SUGCT: variants seen among roughly 807,000 people sequenced by gnomAD.
SUGCT encodes succinyl-CoA:glutarate CoA-transferase.
Under a neutral mutation model 55.0 loss-of-function variants are expected in SUGCT, and 41 were observed. The ratio of observed to expected loss-of-function variants is 0.74; its 90% confidence interval spans 0.58 to 0.97. The LOEUF is 0.97. SUGCT is among the 50% of genes least tolerant of loss of function. The pLI, the probability that SUGCT is intolerant of heterozygous loss-of-function variation, is 0.00. For missense variants in SUGCT, 568 were observed against 547.8 expected, an observed-to-expected ratio of 1.04 and a Z score of -0.37; for synonymous variants, 187 against 200.4, an observed-to-expected ratio of 0.93 and a Z score of 0.56.
intron 7 of SUGCT, among the ~76,000 whole-genome samples, chr7:40,240,091 A>C (rs539180285): frequency 2.6e-5 from 4 of 152,338 alleles, no homozygotes; most frequent in South Asian, 4.1e-4. Flanking sequence ...ACAGGGTGCT[A>C]TGAACATATA....
chr7:40,905,764 G>A, the SUGCT span, among the ~76,000 whole-genome samples: 1 of 149,916 alleles, frequency 6.7e-6, no homozygotes, highest in Non-Finnish European at 1.5e-5. Context: ...TACTCAGGCT[G>A]GAGGACTGCA....
At chr7:40,675,788 G>A (rs2151877983) in intron 12 of SUGCT, among the ~76,000 whole-genome samples, 1 of 152,322 alleles carries the variant, frequency 6.6e-6, no homozygotes, top group East Asian at 1.9e-4. Flanking sequence ...GTGTCAGAAT[G>A]GAGAGGACTG....
At chr7:40,696,278 T>G (rs1466007180) in intron 12 of SUGCT, among the ~76,000 whole-genome samples, 1 of 152,152 alleles carries the variant, frequency 6.6e-6, no homozygotes, top group Non-Finnish European at 1.5e-5. Context: ...GGAGATGCCT[T>G]TTAATGGAGG....
chr7:40,318,759 G>A (rs1383688689), intron 9 of SUGCT, among the ~76,000 whole-genome samples: 5 of 152,172 alleles, frequency 3.3e-5, no homozygotes, highest in Admixed American at 1.3e-4. Flanking sequence ...TTTTATGTAC[G>A]TGAAGAAAGC....
At chr7:40,698,945 T>C (rs969693575) in intron 12 of SUGCT, among the ~76,000 whole-genome samples, 3 of 152,178 alleles carry the variant, frequency 2.0e-5, no homozygotes, top group African/African-American at 7.2e-5. Context: ...TCCATTTAGA[T>C]TCAAGTTTAT....
At chr7:40,941,263 T>C in the SUGCT span, among the ~76,000 whole-genome samples, 1 of 152,094 alleles carries the variant, frequency 6.6e-6, no homozygotes, top group Non-Finnish European at 1.5e-5. Flanking sequence ...TCCCAGAGGT[T>C]TTGATAACTT....
At chr7:40,785,958 T>C (rs1388455995) in intron 13 of SUGCT, among the ~76,000 whole-genome samples, 1 of 152,048 alleles carries the variant, frequency 6.6e-6, no homozygotes, top group Non-Finnish European at 1.5e-5. Flanking sequence ...AATTAGCTAA[T>C]GGTGGTAATG....
intron 13 of SUGCT, among the ~76,000 whole-genome samples, chr7:40,801,701 G>C (rs1584462146): frequency 6.6e-6 from 1 of 152,086 alleles, no homozygotes; most frequent in East Asian, 1.9e-4. Context: ...TTGAAATCTT[G>C]TGGGACATTT....
intron 8 of SUGCT, among the ~76,000 whole-genome samples, chr7:40,310,437 G>A (rs116947025): frequency 6.6e-6 from 1 of 152,284 alleles, no homozygotes; most frequent in East Asian, 1.9e-4. Flanking sequence ...TCCTGGTTGG[G>A]ATCTTGGAAT....
intron 8 of SUGCT, among the ~76,000 whole-genome samples, chr7:40,275,779 G>A (rs1452489534): frequency 1.3e-5 from 2 of 152,042 alleles, no homozygotes; most frequent in African/African-American, 4.8e-5. Flanking sequence ...TATCAGTTAT[G>A]TTGTGCTAAA....
intron 9 of SUGCT, among the ~76,000 whole-genome samples, chr7:40,441,274 A>G (rs1788499632): frequency 6.6e-6 from 1 of 152,178 alleles, no homozygotes; most frequent in Non-Finnish European, 1.5e-5. Flanking sequence ...CTAATATCAC[A>G]CAGGTTAATT....
At chr7:40,476,363 A>G (rs748342501) in intron 11 of SUGCT, among the ~76,000 whole-genome samples, 1 of 152,204 alleles carries the variant, frequency 6.6e-6, no homozygotes, top group Non-Finnish European at 1.5e-5. Flanking sequence ...CTATTAAGCC[A>G]TGAGACTGCT....
At position 40,188,499 on chromosome 7, in the gene SUGCT, T is replaced by A. The variant is rs758231131; in HGVS notation, c.231T>A (p.Ala77=). 1.3e-6 allele frequency: 2 copies of A among 1,585,716 alleles called. No homozygotes were observed. The highest frequency in any genetic ancestry group is 1.7e-5 in the Admixed American group (1 of 57,882). ...AEVIKVERPG[A]GDDTRTWGPP... ...AGCTCATGTTATTATTTTCAGGAGC[T>A]GGTGATGATACACGAACTTGGGGGC... Residue 77 remains alanine (A), a synonymous_variant, in exon 4 of 14, where the codon GCT becomes GCA. Coordinates refer to ENST00000335693, the MANE Select transcript of SUGCT (RefSeq NM_001193313.2).
chr7:40,622,357 C>T (rs1465699492), intron 12 of SUGCT, among the ~76,000 whole-genome samples: 2 of 152,112 alleles, frequency 1.3e-5, no homozygotes, highest in African/African-American at 4.8e-5. Flanking sequence ...ATGGGTTCTT[C>T]AGCAGTTCCT....
chr7:40,565,678 G>A lies in SUGCT; in HGVS notation c.1089+69292G>A, dbSNP rs1253311108. On this transcript the variant is annotated intron_variant, in intron 12 of 13. Transcript: ENST00000335693. ...GTGAATTCCAGAGGTGGAATGATCC[G>A]GTCCCATTTACCTCTATTATCTTAT... is the stretch of plus-strand genomic sequence containing the variant. Among the ~76,000 whole-genome samples, 6 of 152,092 alleles carry A rather than the reference G, an allele frequency of 3.9e-5. No homozygotes were observed. The South Asian group carries it at 8.3e-4, about 21-fold the overall frequency.
chr7:40,867,241 C>T, the SUGCT span, among the ~76,000 whole-genome samples: 1 of 149,538 alleles, frequency 6.7e-6, no homozygotes, highest in African/African-American at 2.4e-5. Flanking sequence ...TATCTCTCCG[C>T]ATATAATATA....
chr7:40,169,309 A>G (rs1004513766), intron 1 of SUGCT, among the ~76,000 whole-genome samples: 2 of 152,128 alleles, frequency 1.3e-5, no homozygotes, highest in Non-Finnish European at 2.9e-5. Context: ...TGCCTGTCCT[A>G]GGACCCCTAG....
chr7:40,700,899 C>A (rs1039183416), intron 12 of SUGCT, among the ~76,000 whole-genome samples: 1 of 152,070 alleles, frequency 6.6e-6, no homozygotes, highest in East Asian at 1.9e-4. Context: ...GAAGAGCCAC[C>A]GCAGAACCAA....
chr7:40,966,463 T>C, the SUGCT span: 1 of 152,212 alleles, frequency 6.6e-6, no homozygotes, highest in Non-Finnish European at 1.5e-5. Context: ...CTCTTATTCA[T>C]ATGCTGGGAA....
Sources: allele counts gnomAD v4.1 joint callset (sites outside exome capture counted in the v4.1 genomes callset), GRCh38; gene constraint gnomAD v4.1.1; transcripts MANE v1.5; gene names NCBI Gene and HGNC (gene_info 2026-07-23, HGNC 2026-07-21).